Variants in PTGER3 observed in about 807,000 individuals in gnomAD.
The protein encoded by PTGER3 is prostaglandin E2 receptor EP3 subtype.
A neutral mutation model predicts 34.7 loss-of-function variants in PTGER3; 22 were observed. The ratio of observed to expected loss-of-function variants is 0.63; its 90% CI spans 0.45 to 0.91. PTGER3 has a LOEUF of 0.91. PTGER3 is among the 40% of genes least tolerant of loss of function. The probability of loss-of-function intolerance (pLI) is 0.00; values close to 1 mark genes in which losing one functional copy is unlikely to be tolerated. For synonymous variants in PTGER3, 241 were observed against 230.1 expected (o/e 1.05, Z -0.43); for missense variants, 468 against 519.4 (o/e 0.90, Z 0.96).
chr1:71,044,107 CGCCCA>C (rs1365926543), intron 1 of PTGER3, among the ~76,000 whole-genome samples: 1 of 150,952 alleles, frequency 6.6e-6, no homozygotes, highest in Non-Finnish European at 1.5e-5. Context: ...TGAGCCACTG[CGCCCA>C]GCCGATGGAA....
At chr1:71,008,198 A>T (rs1352541712) in intron 2 of PTGER3, 13 of 945,560 alleles carry the variant, frequency 1.4e-5, no homozygotes, top group Non-Finnish European at 1.6e-5. Context: ...GAAGAAATAC[A>T]TAATCTAGTA....
chr1:70,860,026 A>G (rs1365333694), intron 4 of PTGER3, among the ~76,000 whole-genome samples: 1 of 147,678 alleles, frequency 6.8e-6, no homozygotes, highest in Non-Finnish European at 1.5e-5. Context: ...CAGAAAGAGT[A>G]TGGGACCGTA....
intron 1 of PTGER3, among the ~76,000 whole-genome samples, chr1:71,024,641 C>CTT (rs1658722469): frequency 9.6e-6 from 1 of 104,064 alleles, no homozygotes; most frequent in African/African-American, 3.4e-5. Flanking sequence ...CTATCCTTTT[C>CTT]TTTCTTTTTT....
At chr1:70,949,167 A>G (rs551536227), downstream of PTGER3, among the ~76,000 whole-genome samples, 1 of 152,114 alleles carries the variant, frequency 6.6e-6, no homozygotes, top group African/African-American at 2.4e-5. Flanking sequence ...TTTGTTTCTT[A>G]TAAAACAATA....
At chr1:71,031,658 G>A (rs1375163666) in intron 1 of PTGER3, among the ~76,000 whole-genome samples, 1 of 152,176 alleles carries the variant, frequency 6.6e-6, no homozygotes, top group Non-Finnish European at 1.5e-5. Flanking sequence ...CTTTGGCTGT[G>A]CAGCCTGAAG....
chr1:71,034,875 C>T (rs1434813180), intron 1 of PTGER3, among the ~76,000 whole-genome samples: 2 of 152,138 alleles, frequency 1.3e-5, no homozygotes, highest in Non-Finnish European at 2.9e-5. Context: ...AATAGCTTTG[C>T]TACCTTGAAC....
chr1:70,943,205 A>G (rs1649915548), intron 4 of PTGER3, among the ~76,000 whole-genome samples: 1 of 152,214 alleles, frequency 6.6e-6, no homozygotes, highest in Non-Finnish European at 1.5e-5. Flanking sequence ...TATGTTTGGA[A>G]ATTCATAAGA....
intron 4 of PTGER3, among the ~76,000 whole-genome samples, chr1:70,931,195 A>T (rs1648654140): frequency 6.6e-6 from 1 of 152,222 alleles, no homozygotes; most frequent in Non-Finnish European, 1.5e-5. Context: ...TATGTCTCGC[A>T]TCCAGGTCAC....
chr1:70,932,175 G>A (rs559559301), intron 4 of PTGER3, among the ~76,000 whole-genome samples: 23 of 152,158 alleles, frequency 1.5e-4, no homozygotes, highest in South Asian at 1.2e-3. Flanking sequence ...CCTTTACTGC[G>A]GTTCCCAACA....
chr1:70,940,813 G>T (rs1217655035), intron 4 of PTGER3, among the ~76,000 whole-genome samples: 1 of 151,928 alleles, frequency 6.6e-6, no homozygotes, highest in Non-Finnish European at 1.5e-5. Context: ...ATATCACCTG[G>T]GTATTCCTTA....
chr1:71,046,471 T>C (rs1660824569), intron 1 of PTGER3, among the ~76,000 whole-genome samples: 1 of 152,186 alleles, frequency 6.6e-6, no homozygotes, highest in Non-Finnish European at 1.5e-5. Context: ...CAGTGCCTAA[T>C]GCGAATCCTG....
At chr1:71,007,722 G>T in intron 2 of PTGER3, 2 of 985,168 alleles carry the variant, frequency 2.0e-6, no homozygotes, top group Non-Finnish European at 2.4e-6. Context: ...ATGGAAAACT[G>T]TATGAGAAAT....
chr1:70,899,499 A>G (rs1646791260), intron 4 of PTGER3, among the ~76,000 whole-genome samples: 1 of 152,154 alleles, frequency 6.6e-6, no homozygotes, highest in South Asian at 2.1e-4. Context: ...AGAAGCATGA[A>G]TCACTAATGT....
At chr1:70,942,814 G>A (rs1253074060) in intron 4 of PTGER3, among the ~76,000 whole-genome samples, 1 of 152,194 alleles carries the variant, frequency 6.6e-6, no homozygotes, top group Non-Finnish European at 1.5e-5. Flanking sequence ...TGAACATGCA[G>A]AGAGAGACAA....
At chr1:70,976,202 C>T (rs1382275577) in intron 2 of PTGER3, among the ~76,000 whole-genome samples, 3 of 151,988 alleles carry the variant, frequency 2.0e-5, no homozygotes, top group South Asian at 2.1e-4. Context: ...CCTAGTGGCA[C>T]TGTCTGTGGA....
chr1:70,982,077 A>G (rs1055898304), intron 2 of PTGER3, among the ~76,000 whole-genome samples: 1 of 152,108 alleles, frequency 6.6e-6, no homozygotes, highest in African/African-American at 2.4e-5. Flanking sequence ...AGAGTACAAA[A>G]CTTTCTTTAA....
intron 4 of PTGER3, among the ~76,000 whole-genome samples, chr1:70,859,238 A>G (rs1645876122): frequency 1.3e-5 from 2 of 152,254 alleles, no homozygotes; most frequent in African/African-American, 4.8e-5. Flanking sequence ...AGAATGAATT[A>G]AATAATTAAT....
At position 70,971,664 on chromosome 1, in the gene PTGER3, G is replaced by A; in HGVS notation, c.*66C>T. 1 of 1,527,150 alleles carries A rather than the reference G, an allele frequency of 6.5e-7. No homozygotes were observed. Among genetic ancestry groups the A allele is most frequent in the African/African-American group, 1.4e-5 (1 of 70,922 alleles). 94.6% of individuals were successfully genotyped at this position (1,527,150 alleles called of 1,614,324 possible). A position where few individuals can be genotyped will look rare whatever the true frequency, so the allele number is the denominator to read the frequency against. Reference sequence around the variant, plus strand: ...TAAAATATATAATTATCCTTCTCAGGTGGGAAGAAATATGCAAATTCAGGG... The same window carrying A: ...TAAAATATATAATTATCCTTCTCAGATGGGAAGAAATATGCAAATTCAGGG... On this transcript the variant is annotated 3_prime_UTR_variant, in exon 4 of 4. Coordinates refer to ENST00000306666, the MANE Select transcript of PTGER3 (RefSeq NM_198719.2).
intron 4 of PTGER3, among the ~76,000 whole-genome samples, chr1:70,895,615 A>C (rs536490760): frequency 1.4e-4 from 21 of 152,376 alleles, no homozygotes; most frequent in African/African-American, 5.0e-4. Context: ...TGCCTGGCTC[A>C]GTCCCTGATG....
Sources: gnomAD v4.1 joint callset for allele counts (sites outside exome capture counted in the v4.1 genomes callset) on GRCh38, gnomAD v4.1.1 for gene constraint, MANE v1.5 for transcripts, NCBI Gene and HGNC (gene_info 2026-07-23, HGNC 2026-07-21) for gene names.